XDH: variants seen among roughly 807,000 people sequenced by gnomAD.
The protein encoded by XDH is xanthine dehydrogenase/oxidase.
Under a neutral mutation model 156.1 loss-of-function variants are expected in XDH, and 138 were observed. That is an observed-to-expected ratio of 0.88 (90% CI 0.77 to 1.02). The LOEUF is 1.02. XDH is among the 50% of genes least tolerant of loss of function. XDH has a pLI of 0.00. For synonymous variants in XDH, 669 were observed against 625.7 expected, an observed-to-expected ratio of 1.07 and a Z score of -1.03; for missense variants, 1,849 against 1,684.9, an observed-to-expected ratio of 1.10 and a Z score of -1.71.
At position 31,337,649 on chromosome 2, in the gene XDH, T is replaced by C. The variant is rs768770720; in HGVS notation, c.3943A>G (p.Thr1315Ala). The C allele has an allele frequency of 5.6e-6, 9 of 1,613,928 alleles. No homozygotes were observed. In the African/African-American group the frequency reaches 1.1e-4, roughly 19 times the overall value. Residue 1315 changes from threonine to alanine, a missense_variant, in exon 35 of 36, where the codon ACC becomes GCC. By Grantham distance (58) the Thr-to-Ala change is moderately conservative. Coordinates refer to ENST00000379416, the MANE Select transcript of XDH (RefSeq NM_000379.4). ...KIRNACVDKF[T>A]TLCVTGVPEN... is the part of the protein sequence containing the mutation. The stretch of plus-strand genomic sequence containing the variant: ...CTTGAGGGGCATCATACCAGGGTGG[T>C]GAACTTGTCCACGCAGGCATTGCGG...
chr2:31,340,588 G>A (rs1338372739), intron 33 of XDH, among the ~76,000 whole-genome samples: 1 of 152,068 alleles, frequency 6.6e-6, no homozygotes, highest in Non-Finnish European at 1.5e-5. Context: ...TCCTACCTCA[G>A]CCTCCTGAGT....
chr2:31,364,170 A>G lies in XDH; in HGVS notation c.2619T>C (p.Asp873=), dbSNP rs1004461273. The G allele has an allele frequency of 6.2e-7, 1 of 1,613,920 alleles. No homozygotes were observed. Among genetic ancestry groups the G allele is most frequent in the Non-Finnish European group, 8.5e-7 (1 of 1,180,022 alleles). The change falls in exon 24 of 36, where the codon GAT becomes GAC. Residue 873 remains aspartate (D), a synonymous_variant. Coordinates refer to ENST00000379416, the MANE Select transcript of XDH (RefSeq NM_000379.4). ...AGGTCCTACTCACACTCTGAGAGAG[A>G]TCCTGGGTGTTCCCCACATTGCTGA... ...DHFSNVGNTQ[D]LSQSIMERAL...
intron 1 of XDH, among the ~76,000 whole-genome samples, chr2:31,409,554 T>G (rs1687286725): frequency 6.6e-6 from 1 of 152,098 alleles, no homozygotes; most frequent in Non-Finnish European, 1.5e-5. Flanking sequence ...CTCCTAAAAC[T>G]CAACAACTAT....
At position 31,342,207 on chromosome 2, in the gene XDH, G is replaced by A. The variant is rs776413773; in HGVS notation, c.3495C>T (p.Ile1165=). ...CCTTATGATCTCCTGTTAGGCAGTC[G>A]ATTTCTACTTCAGAGCAAGCCACCC... ...SYGVACSEVE[I]DCLTGDHKNL... is the part of the protein sequence containing the mutation. The change falls in exon 32 of 36, where the codon ATC becomes ATT. Residue 1165 remains isoleucine (I), a synonymous_variant. Transcript: ENST00000379416. 1.1e-5 allele frequency: 18 copies of A among 1,614,016 alleles called. No individual in the cohort carries two copies. Among genetic ancestry groups the A allele is most frequent in the East Asian group, 1.1e-4 (5 of 44,880 alleles).
At chr2:31,408,788 A>G (rs779424015) in intron 1 of XDH, among the ~76,000 whole-genome samples, 1 of 152,222 alleles carries the variant, frequency 6.6e-6, no homozygotes, top group Admixed American at 6.5e-5. Context: ...TGCTGGGTAT[A>G]TACACAAAAG....
At chr2:31,367,897 T>A in intron 20 of XDH, 64 bp downstream of exon 20, 1 of 1,472,988 alleles carries the variant, frequency 6.8e-7, no homozygotes, top group Middle Eastern at 1.7e-4. Flanking sequence ...TCAATGCATA[T>A]CTCTTGAATT....
At chr2:31,359,774 A>G (rs946419834) in intron 24 of XDH, among the ~76,000 whole-genome samples, 1 of 152,200 alleles carries the variant, frequency 6.6e-6, no homozygotes, top group Non-Finnish European at 1.5e-5. Flanking sequence ...CAAATTAATC[A>G]ATATTCGGAT....
chr2:31,398,586 C>T lies in XDH; in HGVS notation c.420G>A (p.Glu140=). ...GAAGGCCCATACCTTGGAAGGCATT[C>T]TCAATCTCCTCCATGGTGGGCTCGG... The part of the protein sequence containing the change: ...NQPEPTMEEI[E]NAFQGNLCRC... The change falls in exon 5 of 36, where the codon GAG becomes GAA. Residue 140 remains glutamate (E), a synonymous_variant. Transcript: ENST00000379416. The T allele has an allele frequency of 6.2e-7, 1 of 1,614,172 alleles. No individual in the cohort carries two copies. Among genetic ancestry groups the T allele is most frequent in the East Asian group, 2.2e-5 (1 of 44,886 alleles).
intron 15 of XDH, among the ~76,000 whole-genome samples, chr2:31,374,512 C>T (rs532887111): frequency 2.6e-5 from 4 of 152,182 alleles, no homozygotes; most frequent in Admixed American, 1.3e-4. Flanking sequence ...AACAGTATGA[C>T]AGATAGATGG....
intron 35 of XDH, among the ~76,000 whole-genome samples, chr2:31,336,973 T>C (rs1216330594): frequency 6.7e-6 from 1 of 150,068 alleles, no homozygotes; most frequent in Non-Finnish European, 1.5e-5. Context: ...GAAGCAACCG[T>C]CCTAGCAAAG....
chr2:31,336,718 G>T (rs1329579847), intron 35 of XDH, among the ~76,000 whole-genome samples: 1 of 150,270 alleles, frequency 6.7e-6, no homozygotes, highest in African/African-American at 2.5e-5. Context: ...GTCTGCGGAT[G>T]GTGGATTTGT....
In XDH at chr2:31,339,599, T is replaced by A. The variant is rs1685068850; in HGVS notation, c.3664A>T (p.Thr1222Ser). The A allele has an allele frequency of 6.2e-7, 1 of 1,613,956 alleles. No homozygotes were observed. The highest frequency in any genetic ancestry group is 1.3e-5 in the African/African-American group (1 of 74,892). ...LHYSPEGSLH[T>S]RGPSTYKIPA... is the part of the protein sequence containing the mutation. Reference sequence around the variant, plus strand: ...ATCTTGTAGGTGCTAGGGCCACGGGTGTGCAGGCTCCCCTCGGGGGAATAG... The same window carrying A: ...ATCTTGTAGGTGCTAGGGCCACGGGAGTGCAGGCTCCCCTCGGGGGAATAG... The change falls in exon 34 of 36, where the codon ACC (threonine) becomes TCC (serine). Residue 1222 changes from threonine (T) to serine (S), a missense_variant. By Grantham distance (58) the Thr-to-Ser change is moderately conservative. Coordinates refer to ENST00000379416, the MANE Select transcript of XDH (RefSeq NM_000379.4).
At chr2:31,365,775 T>C (rs1260214532) in intron 22 of XDH, among the ~76,000 whole-genome samples, 2 of 152,104 alleles carry the variant, frequency 1.3e-5, no homozygotes, top group African/African-American at 4.8e-5. Context: ...AGATCAGAGG[T>C]GGATACCTGT....
chr2:31,356,392 T>C (rs1685622658), intron 24 of XDH, among the ~76,000 whole-genome samples: 1 of 152,184 alleles, frequency 6.6e-6, no homozygotes, highest in South Asian at 2.1e-4. Flanking sequence ...TGTGATAAAG[T>C]TAAGGATCTG....
Position 31,386,457 on chromosome 2 carries a change from A to G in XDH, c.750T>C (p.Ala250=), listed in dbSNP as rs1686597930. 8 of 1,613,954 alleles carry G rather than the reference A, an allele frequency of 5.0e-6. No individual in the cohort carries two copies. Among genetic ancestry groups the G allele is most frequent in the Non-Finnish European group, 5.9e-6 (7 of 1,179,990 alleles). The change falls in exon 9 of 36, where the codon GCT becomes GCC. Residue 250 remains alanine (A), a synonymous_variant. Coordinates refer to ENST00000379416, the MANE Select transcript of XDH (RefSeq NM_000379.4). ...CGACCAGCTTGGCGTCAGGGTGCTG[A>G]GCCTTGAGGTCCAGCAGCTCCTTGA... ...STLKELLDLK[A]QHPDAKLVVG... is the part of the protein sequence containing the mutation.
At chr2:31,340,227 T>C (rs899753451) in intron 33 of XDH, among the ~76,000 whole-genome samples, 2 of 152,176 alleles carry the variant, frequency 1.3e-5, no homozygotes, top group African/African-American at 4.8e-5. Context: ...TCAACGAGCA[T>C]TCAGAAAAGA....
intron 2 of XDH, among the ~76,000 whole-genome samples, chr2:31,403,501 C>T (rs962099478): frequency 1.4e-4 from 22 of 152,226 alleles, no homozygotes; most frequent in Middle Eastern, 3.4e-3. Context: ...CCTGAGCATA[C>T]GGGGCAGTTC....
chr2:31,348,188 C>T lies in XDH; in HGVS notation c.3147+80G>A, dbSNP rs533518035. 10 of 1,448,084 alleles carry T rather than the reference C, an allele frequency of 6.9e-6. No individual in the cohort carries two copies. In the South Asian group the frequency reaches 1.1e-4, roughly 15 times the overall value. 89.7% of individuals were successfully genotyped at this position (1,448,084 alleles called of 1,614,324 possible). Reference sequence around the variant, plus strand: ...GGGCCAGACCCCGGGCCTGCTTCTGCTCTGATAGGTCCCACTGCTCAATTT... The same window carrying T: ...GGGCCAGACCCCGGGCCTGCTTCTGTTCTGATAGGTCCCACTGCTCAATTT... On this transcript the variant is annotated intron_variant, in intron 28 of 35. Coordinates refer to ENST00000379416, the MANE Select transcript of XDH (RefSeq NM_000379.4).
chr2:31,346,034 T>C (rs529966531), intron 30 of XDH, among the ~76,000 whole-genome samples: 9 of 152,308 alleles, frequency 5.9e-5, no homozygotes, highest in East Asian at 1.9e-4. Flanking sequence ...TCTTTAAATC[T>C]ATTGAGGAAG....
Sources: allele counts gnomAD v4.1 joint callset (sites outside exome capture counted in the v4.1 genomes callset), GRCh38; gene constraint gnomAD v4.1.1; transcripts MANE v1.5; gene names NCBI Gene and HGNC (gene_info 2026-07-23, HGNC 2026-07-21).